OTOL1: variants seen among roughly 807,000 people sequenced by gnomAD.
OTOL1 encodes otolin 1, also known as otolin-1.
In OTOL1, 31 loss-of-function variants were observed where a neutral mutation model predicts 25.0. The ratio of observed to expected loss-of-function variants is 1.24; its 90% CI spans 0.93 to 1.67. The LOEUF (loss-of-function observed/expected upper bound fraction) is 1.67. OTOL1 is among the 40% of genes most tolerant of loss of function. The pLI is 0.00. For missense variants in OTOL1, 654 were observed against 587.7 expected (o/e 1.11, Z -1.17); for synonymous variants, 225 against 210.3 (o/e 1.07, Z -0.61).
chr3:161,502,268 G>T, intron 2 of OTOL1, 39 bp from the exon 3 acceptor site: 1 of 1,511,102 alleles, frequency 6.6e-7, no homozygotes, highest in South Asian at 1.2e-5. Flanking sequence ...TATCATAAAT[G>T]ATGTAGTTGG....
At position 161,496,812 on chromosome 3, in the gene OTOL1, G is replaced by T; in HGVS notation, c.5G>T (p.Trp2Leu). 1.3e-6 allele frequency: 2 copies of T among 1,563,204 alleles called. No homozygotes were observed. Among genetic ancestry groups the T allele is most frequent in the South Asian group, 2.4e-5 (2 of 82,958 alleles). M[W>L]MFSWLCAILI... ...ATCTTTCTTCCAGCTTCAAATATGT[G>T]GATGTTTTCTTGGCTTTGTGCTATT... Residue 2 changes from tryptophan (W) to leucine (L), a missense_variant, in exon 1 of 4, where the codon TGG becomes TTG. By Grantham distance (61) the Trp-to-Leu change is moderately conservative. Coordinates refer to ENST00000327928, the MANE Select transcript of OTOL1 (RefSeq NM_001080440.1).
rs1318960136 is a variant in OTOL1 at position 161,502,530 on chromosome 3, GT to G, written c.517+162del. ...GTACTGACTCAGTGAAGGAGAACCA[GT>G]CTAGGAATTTGGAGACCAGGTAATA... is the stretch of plus-strand genomic sequence containing the variant. On this transcript the variant is annotated intron_variant, in intron 3 of 3. Transcript: ENST00000327928. Among the ~76,000 whole-genome samples, 3 of 152,156 alleles carry G rather than the reference GT, an allele frequency of 2.0e-5. No individual in the cohort carries two copies. In the East Asian group the frequency reaches 5.8e-4, roughly 29 times the overall value.
Position 161,502,355 on chromosome 3 carries a change from A to C in OTOL1, c.503A>C (p.Lys168Thr). 1 of 1,613,386 alleles carries C rather than the reference A, an allele frequency of 6.2e-7. No individual in the cohort carries two copies. Among genetic ancestry groups the C allele is most frequent in the Non-Finnish European group, 8.5e-7 (1 of 1,179,598 alleles). Residue 168 changes from lysine (K) to threonine (T), a missense_variant, in exon 3 of 4, where the codon AAA becomes ACA. Transcript: ENST00000327928. ...CAAGGAGTTCCAGGATACCCAGGAA[A>C]ACCGGGAGCACAAGGTAGAGCATGA... is the stretch of plus-strand genomic sequence containing the variant. ...GDQGVPGYPG[K>T]PGAQGEPGPK...
At position 161,496,870 on chromosome 3, in the gene OTOL1, A is replaced by T; in HGVS notation, c.63A>T (p.Thr21=). The T allele has an allele frequency of 1.2e-6, 2 of 1,612,618 alleles. No individual in the cohort carries two copies. The highest frequency in any genetic ancestry group is 1.7e-6 in the Non-Finnish European group (2 of 1,179,212). The stretch of plus-strand genomic sequence containing the variant: ...TTTTGGCTATTGCTGGTATGAACAC[A>T]ATAGCAAAGACCACACCACATACCA... ...LIILAIAGMN[T]IAKTTPHTKF... Residue 21 remains threonine (T), a synonymous_variant, in exon 1 of 4, where the codon ACA becomes ACT. Coordinates refer to ENST00000327928, the MANE Select transcript of OTOL1 (RefSeq NM_001080440.1).
intron 1 of OTOL1, among the ~76,000 whole-genome samples, chr3:161,497,779 A>G (rs1377020508): frequency 6.6e-6 from 1 of 152,048 alleles, no homozygotes; most frequent in African/African-American, 2.4e-5. Flanking sequence ...GATTTTCTCC[A>G]TTGAACACCA....
chr3:161,502,999 A>T, intron 3 of OTOL1, 27 bp from the exon 4 acceptor site: 1 of 1,308,654 alleles, frequency 7.6e-7, no homozygotes, highest in Non-Finnish European at 9.8e-7. Context: ...TGTGATCCTT[A>T]AACATTATTT....
chr3:161,502,981 A>G, intron 3 of OTOL1, 45 bp from the exon 4 acceptor site: 1 of 1,277,766 alleles, frequency 7.8e-7, no homozygotes, highest in Non-Finnish European at 1.0e-6. Flanking sequence ...CATGCTGTTT[A>G]TGGCCTATGT....
chr3:161,496,824 G>T lies in OTOL1; in HGVS notation c.17G>T (p.Trp6Leu). 1 of 1,571,834 alleles carries T rather than the reference G, an allele frequency of 6.4e-7. No individual in the cohort carries two copies. Among genetic ancestry groups the T allele is most frequent in the Non-Finnish European group, 8.6e-7 (1 of 1,160,458 alleles). ...GCTTCAAATATGTGGATGTTTTCTT[G>T]GCTTTGTGCTATTTTAATTATTTTG... Reference protein sequence around the residue: MWMFSWLCAILIILAI... With the variant: MWMFSLLCAILIILAI... The change falls in exon 1 of 4, where the codon TGG becomes TTG. Residue 6 changes from tryptophan to leucine, a missense_variant. Trp to Leu is a moderately conservative substitution (Grantham distance 61). Transcript: ENST00000327928.
rs1718844148 is a variant in OTOL1 at position 161,496,891 on chromosome 3, T to C, written c.84T>C (p.His28=). The C allele has an allele frequency of 1.2e-6, 2 of 1,613,174 alleles. No individual in the cohort carries two copies. Among genetic ancestry groups the C allele is most frequent in the Non-Finnish European group, 1.7e-6 (2 of 1,179,472 alleles). The stretch of plus-strand genomic sequence containing the variant: ...ACACAATAGCAAAGACCACACCACA[T>C]ACCAAATTTACGAAGAAATCTGAGG... ...GMNTIAKTTP[H]TKFTKKSEER... Residue 28 remains histidine, a synonymous_variant, in exon 1 of 4, where the codon CAT becomes CAC. Coordinates refer to ENST00000327928, the MANE Select transcript of OTOL1 (RefSeq NM_001080440.1).
intron 1 of OTOL1, among the ~76,000 whole-genome samples, chr3:161,498,380 G>A (rs1001515234): frequency 6.6e-6 from 1 of 152,102 alleles, no homozygotes; most frequent in South Asian, 2.1e-4. Context: ...GGTGTGCCAA[G>A]TTATTACCCT....
Position 161,503,727 on chromosome 3 carries a change from G to A in OTOL1, c.1219G>A (p.Ala407Thr), listed in dbSNP as rs766450342. 2.5e-6 allele frequency: 4 copies of A among 1,613,710 alleles called. No individual in the cohort carries two copies. The highest frequency in any genetic ancestry group is 1.1e-5 in the South Asian group (1 of 91,032). ...GCGACCTGCTCGAATCAGTCTGGTG[G>A]CCCAGAATAAGAAGCAGTTCAAGTC... The part of the protein sequence containing the change: ...RGRPARISLV[A>T]QNKKQFKSRE... Residue 407 changes from alanine to threonine, a missense_variant, in exon 4 of 4, where the codon GCC (alanine) becomes ACC (threonine). By Grantham distance (58) the Ala-to-Thr change is moderately conservative. Transcript: ENST00000327928.
rs888826494 is a variant in OTOL1, at chr3:161,499,220, T to C, written c.414T>C (p.Val138=). ...TGGGGATCCCAGGGCCACCAGGAGT[T>C]GTTGGGCCCCAAGGCCCTAGAGGCT... The part of the protein sequence containing the change: ...GNLGIPGPPG[V]VGPQGPRGYK... The change falls in exon 2 of 4, where the codon GTT becomes GTC. Residue 138 remains valine (V), a synonymous_variant. Coordinates refer to ENST00000327928, the MANE Select transcript of OTOL1 (RefSeq NM_001080440.1). 2 of 1,611,446 alleles carry C rather than the reference T, an allele frequency of 1.2e-6. No individual in the cohort carries two copies. Among genetic ancestry groups the C allele is most frequent in the Non-Finnish European group, 1.7e-6 (2 of 1,178,994 alleles).
chr3:161,502,390 A>G (rs1479289344), intron 3 of OTOL1, 21 bp downstream of exon 3: 1 of 1,603,982 alleles, frequency 6.2e-7, no homozygotes, highest in East Asian at 2.2e-5. Flanking sequence ...AAATGTATCT[A>G]CTGTGTACAG....
intron 1 of OTOL1, 48 bp from the exon 2 acceptor site, chr3:161,499,123 T>G (rs1718909111): frequency 6.9e-7 from 1 of 1,451,482 alleles, no homozygotes; most frequent in Non-Finnish European, 9.5e-7. Flanking sequence ...CTAATGAACT[T>G]TAAAAGAGAA....
At chr3:161,502,699 A>C (rs1182312262) in intron 3 of OTOL1, among the ~76,000 whole-genome samples, 1 of 152,198 alleles carries the variant, frequency 6.6e-6, no homozygotes, top group Non-Finnish European at 1.5e-5. Context: ...GGTTAGGCCA[A>C]AATGCAAAGG....
intron 2 of OTOL1, among the ~76,000 whole-genome samples, chr3:161,499,657 C>A (rs968348749): frequency 6.6e-6 from 1 of 152,066 alleles, no homozygotes; most frequent in Non-Finnish European, 1.5e-5. Flanking sequence ...CTAACTAGAG[C>A]AGGCAATTCT....
At chr3:161,499,414 A>T (rs1718917592) in intron 2 of OTOL1, among the ~76,000 whole-genome samples, 154 bp downstream of exon 2, 1 of 152,224 alleles carries the variant, frequency 6.6e-6, no homozygotes, top group Non-Finnish European at 1.5e-5. Flanking sequence ...AAATATGTTA[A>T]CTTTATAAAC....
Position 161,496,886 on chromosome 3 carries a change from C to T in OTOL1, c.79C>T (p.Pro27Ser). 1.9e-6 allele frequency: 3 copies of T among 1,613,102 alleles called. No individual in the cohort carries two copies. Among genetic ancestry groups the T allele is most frequent in the East Asian group, 4.5e-5 (2 of 44,842 alleles). The change falls in exon 1 of 4, where the codon CCA becomes TCA. Residue 27 changes from proline to serine, a missense_variant. Pro to Ser is a moderately conservative substitution (Grantham distance 74). Coordinates refer to ENST00000327928, the MANE Select transcript of OTOL1 (RefSeq NM_001080440.1). ...TATGAACACAATAGCAAAGACCACA[C>T]CACATACCAAATTTACGAAGAAATC... Reference protein sequence around the residue: ...AGMNTIAKTTPHTKFTKKSEE... With the variant: ...AGMNTIAKTTSHTKFTKKSEE...
chr3:161,497,711 T>G (rs554339885), intron 1 of OTOL1, among the ~76,000 whole-genome samples: 2 of 152,268 alleles, frequency 1.3e-5, no homozygotes, highest in Admixed American at 1.3e-4. Context: ...AGAATAAAGC[T>G]TAGGATTCCA....
Sources: allele counts gnomAD v4.1 joint callset (sites outside exome capture counted in the v4.1 genomes callset), GRCh38; gene constraint gnomAD v4.1.1; transcripts MANE v1.5; gene names NCBI Gene and HGNC (gene_info 2026-07-23, HGNC 2026-07-21).